The following NFIX variants were observed in gnomAD, a reference collection of about 807,000 sequenced individuals.
NFIX encodes nuclear factor 1 X-type.
A neutral mutation model predicts 53.3 loss-of-function variants in NFIX; 2 were observed. The observed-to-expected ratio is 0.04, with a 90% CI of 0.02 to 0.12. NFIX has a LOEUF of 0.12. Among genes scored for constraint, NFIX ranks in the 10% least tolerant of loss-of-function variants. NFIX has a pLI of 1.00. For missense variants in NFIX, 310 were observed against 674.5 expected, an observed-to-expected ratio of 0.46 and a Z score of 5.99; for synonymous variants, 244 against 289.0, an observed-to-expected ratio of 0.84 and a Z score of 1.58.
chr19:13,075,105 T>C (rs1305600268), intron 5 of NFIX, among the ~76,000 whole-genome samples: 1 of 141,478 alleles, frequency 7.1e-6, no homozygotes, highest in Non-Finnish European at 1.5e-5. Context: ...TAAAATATTC[T>C]TTATATTGAT....
chr19:13,042,237 C>G (rs1358216881), intron 2 of NFIX, among the ~76,000 whole-genome samples: 1 of 151,938 alleles, frequency 6.6e-6, no homozygotes, highest in Non-Finnish European at 1.5e-5. Context: ...TGCATTACCC[C>G]TAAATTGTCA....
At chr19:13,032,735 G>T (rs2013906173) in intron 2 of NFIX, among the ~76,000 whole-genome samples, 1 of 152,156 alleles carries the variant, frequency 6.6e-6, no homozygotes, top group African/African-American at 2.4e-5. Context: ...GACTTTGAGG[G>T]CAGGTCAGTG....
intron 1 of NFIX, among the ~76,000 whole-genome samples, chr19:13,007,128 C>T (rs1359069242): frequency 6.6e-6 from 1 of 152,180 alleles, no homozygotes; most frequent in Non-Finnish European, 1.5e-5. Flanking sequence ...CTTCCTCCCC[C>T]TCTCGCCTGC....
chr19:13,087,970 CTATT>C lies in NFIX; in HGVS notation c.1255-15_1255-12del. ...GTGTGATGTGCCTTCATGCGTCACTCTATTTATGTTGTTCGCAGCCCAACGGTAG... is the reference window on the plus strand; with the variant it reads ...GTGTGATGTGCCTTCATGCGTCACTCTATGTTGTTCGCAGCCCAACGGTAG... On this transcript the variant is annotated splice_polypyrimidine_tract_variant and intron_variant, in intron 8 of 10. Coordinates refer to ENST00000592199, the MANE Select transcript of NFIX (RefSeq NM_001365902.3). 6.5e-7 allele frequency: 1 copy of C among 1,535,976 alleles called. No homozygotes were observed. Among genetic ancestry groups the C allele is most frequent in the Non-Finnish European group, 8.7e-7 (1 of 1,146,854 alleles).
intron 8 of NFIX, among the ~76,000 whole-genome samples, chr19:13,085,520 A>G (rs1179200009): frequency 1.3e-5 from 2 of 152,158 alleles, no homozygotes; most frequent in Non-Finnish European, 2.9e-5. Context: ...GAGGCGTCGC[A>G]TCACCTTTCT....
chr19:13,049,614 G>A lies in NFIX; in HGVS notation c.560-23433G>A, dbSNP rs2015201574. ...TGGTTCCTTTTTTTTTTTTTTTTGA[G>A]ACAGAGTCTTACTCTGTCGCCCAGG... On this transcript the variant is annotated intron_variant, in intron 2 of 10. Transcript: ENST00000592199. This position sits in a 1 kb window ranked among gnomAD's most constrained non-coding sequence, Gnocchi z 4.5. 7.1e-6 allele frequency among the ~76,000 whole-genome samples: 1 copy of A among 141,108 alleles called. No homozygotes were observed. Among genetic ancestry groups the A allele is most frequent in the East Asian group, 2.1e-4 (1 of 4,752 alleles). 92.6% of individuals were successfully genotyped at this position (141,108 alleles called of 152,430 possible).
chr19:13,064,607 A>G (rs1172690325), intron 2 of NFIX, among the ~76,000 whole-genome samples: 1 of 152,142 alleles, frequency 6.6e-6, no homozygotes, highest in Admixed American at 6.5e-5. Context: ...CTCTTTGTAG[A>G]TGGTAGTGGG....
chr19:13,034,902 T>C (rs2145234829), intron 2 of NFIX, among the ~76,000 whole-genome samples: 1 of 152,314 alleles, frequency 6.6e-6, no homozygotes, highest in Non-Finnish European at 1.5e-5. Flanking sequence ...CAGCTCCCCT[T>C]GAGCAGCATT....
At position 13,045,126 on chromosome 19, in the gene NFIX, T is replaced by C. The variant is rs2014902195; in HGVS notation, c.559+19574T>C. Among the ~76,000 whole-genome samples, 1 of 152,214 alleles carries C rather than the reference T, an allele frequency of 6.6e-6. No individual in the cohort carries two copies. Among genetic ancestry groups the C allele is most frequent in the Non-Finnish European group, 1.5e-5 (1 of 68,040 alleles). On this transcript the variant is annotated intron_variant, in intron 2 of 10. Coordinates refer to ENST00000592199, the MANE Select transcript of NFIX (RefSeq NM_001365902.3). This position sits in a 1 kb window ranked among gnomAD's most constrained non-coding sequence, Gnocchi z 4.4. Reference sequence around the variant, plus strand: ...TCCATGCTGAAGGCTGCTTTACTTCTGGACAGGCCTTCACCTGCATAGAAT... The same window carrying C: ...TCCATGCTGAAGGCTGCTTTACTTCCGGACAGGCCTTCACCTGCATAGAAT...
chr19:13,022,894 T>C lies in NFIX; in HGVS notation c.28-2127T>C, dbSNP rs1441103820. Among the ~76,000 whole-genome samples, 6 of 151,920 alleles carry C rather than the reference T, an allele frequency of 3.9e-5. No individual in the cohort carries two copies. In the East Asian group the frequency reaches 1.2e-3, roughly 30 times the overall value. On this transcript the variant is annotated intron_variant, in intron 1 of 10. Transcript: ENST00000592199. This position sits in a 1 kb window ranked among gnomAD's most constrained non-coding sequence, Gnocchi z 4.5. ...CCTGGAATGAAAAATTCATAACTGC[T>C]GGACTTTGCTTGTTCATTAGACGTG...
rs148116484 is a variant in NFIX, at chr19:13,067,485, T to C, written c.560-5562T>C. On this transcript the variant is annotated intron_variant, in intron 2 of 10. Transcript: ENST00000592199. The surrounding 1 kb of genome is among the most constrained non-coding windows in gnomAD (Gnocchi z 4.2). ...GCGCGTGTGTGTGTGTGTGTGTGCG[T>C]GTGTGTGTGTGTGTGTGTGTATGTG... Among the ~76,000 whole-genome samples the C allele has an allele frequency of 0.042, 1,133 of 26,662 alleles. 8 individuals are homozygous for C. Among genetic ancestry groups the C allele is most frequent in the African/African-American group, 0.094 (209 of 2,218 alleles). 17.5% of individuals were successfully genotyped at this position (26,662 alleles called of 152,430 possible). A position where few individuals can be genotyped will look rare whatever the true frequency, so the allele number is the denominator to read the frequency against.
At chr19:13,041,992 G>T (rs945861733) in intron 2 of NFIX, among the ~76,000 whole-genome samples, 1 of 151,890 alleles carries the variant, frequency 6.6e-6, no homozygotes, top group Non-Finnish European at 1.5e-5. Context: ...CCGCCTCCCA[G>T]ATTCACGCCA....
At chr19:13,077,773 A>C (rs2017197121) in intron 6 of NFIX, among the ~76,000 whole-genome samples, 1 of 152,204 alleles carries the variant, frequency 6.6e-6, no homozygotes, top group South Asian at 2.1e-4. Context: ...TTTCCAGAAG[A>C]ACCTGGCCCC....
intron 2 of NFIX, among the ~76,000 whole-genome samples, chr19:13,033,711 G>C (rs2035509492): frequency 6.6e-6 from 1 of 152,218 alleles, no homozygotes; most frequent in Non-Finnish European, 1.5e-5. Flanking sequence ...TTAATTCCCT[G>C]AATTCTCACC....
intron 2 of NFIX, among the ~76,000 whole-genome samples, chr19:13,055,027 G>C (rs188852551): frequency 6.6e-6 from 1 of 151,984 alleles, no homozygotes; most frequent in African/African-American, 2.4e-5. Context: ...TTCTGGCCTC[G>C]TGATGGGTGG....
chr19:13,038,850 C>T (rs1368977890), intron 2 of NFIX, among the ~76,000 whole-genome samples: 2 of 152,142 alleles, frequency 1.3e-5, no homozygotes, highest in Admixed American at 6.5e-5. Context: ...GAGAGGGGAT[C>T]AGCTGGGCTG....
chr19:13,063,714 C>T (rs1302643988), intron 2 of NFIX, among the ~76,000 whole-genome samples: 1 of 152,136 alleles, frequency 6.6e-6, no homozygotes, highest in Non-Finnish European at 1.5e-5. Flanking sequence ...TCTGGGGCTT[C>T]CTGCCTTCTC....
chr19:13,087,774 CAAA>C (rs1157966190), intron 8 of NFIX, among the ~76,000 whole-genome samples: 1 of 26,390 alleles, frequency 3.8e-5, no homozygotes, highest in African/African-American at 1.8e-4. Flanking sequence ...AAAAGAGGAC[CAAA>C]AAAAAAAAAA....
At chr19:13,034,441 C>G (rs562462620) in intron 2 of NFIX, among the ~76,000 whole-genome samples, 52 of 152,274 alleles carry the variant, frequency 3.4e-4, no homozygotes, top group African/African-American at 1.1e-3. Flanking sequence ...ATGCTCTCAC[C>G]CTGCTGCAGC....
Sources: allele counts gnomAD v4.1 joint callset (sites outside exome capture counted in the v4.1 genomes callset), GRCh38; gene constraint gnomAD v4.1.1; non-coding constraint Gnocchi (gnomAD v3.1); transcripts MANE v1.5; gene names NCBI Gene and HGNC (gene_info 2026-07-23, HGNC 2026-07-21).